The following MATN2 variants were observed in gnomAD, a reference collection of about 807,000 sequenced individuals.
MATN2 encodes the protein matrilin-2.
MATN2 carries 69 observed loss-of-function variants against 103.2 expected under a neutral mutation model. The ratio of observed to expected loss-of-function variants is 0.67; its 90% CI spans 0.55 to 0.82. The LOEUF is 0.82. Among genes scored for constraint, MATN2 ranks in the 40% least tolerant of loss-of-function variants. MATN2 has a pLI of 0.00. For missense variants in MATN2, 1,023 were observed against 1,211.5 expected (o/e 0.84, Z 2.31); for synonymous variants, 429 against 450.2 (o/e 0.95, Z 0.60).
chr8:98,002,042 G>C (rs1812805707), intron 7 of MATN2, among the ~76,000 whole-genome samples: 1 of 152,178 alleles, frequency 6.6e-6, no homozygotes, highest in Non-Finnish European at 1.5e-5. Flanking sequence ...CCCAGCCAAT[G>C]AGGTCGGTGG....
intron 1 of MATN2, among the ~76,000 whole-genome samples, chr8:97,872,163 G>GCAA (rs1314677319): frequency 6.6e-6 from 1 of 152,200 alleles, no homozygotes; most frequent in Non-Finnish European, 1.5e-5. Context: ...CTATGTCATA[G>GCAA]GGTTGTTGTA....
At position 97,931,553 on chromosome 8, in the gene MATN2, A is replaced by T; in HGVS notation, c.712+31A>T. 6.5e-7 allele frequency: 1 copy of T among 1,528,142 alleles called. No individual in the cohort carries two copies. Among genetic ancestry groups the T allele is most frequent in the Non-Finnish European group, 8.8e-7 (1 of 1,131,380 alleles). The allele number at this position is 1,528,142 out of a possible 1,614,324, so 94.7% of individuals were successfully genotyped here. On this transcript the variant is annotated intron_variant, in intron 3 of 18. Coordinates refer to ENST00000254898, the MANE Select transcript of MATN2 (RefSeq NM_002380.5). This position sits in a 1 kb window ranked among gnomAD's most constrained non-coding sequence, Gnocchi z 4.1. ...TCCTGCTCCTTTGTCACTCTTCTAGAGGAACCACTAGAATTCATTCATTCA... is the reference window on the plus strand; with the variant it reads ...TCCTGCTCCTTTGTCACTCTTCTAGTGGAACCACTAGAATTCATTCATTCA...
At chr8:97,951,724 G>A (rs1810960034) in intron 4 of MATN2, among the ~76,000 whole-genome samples, 1 of 130,596 alleles carries the variant, frequency 7.7e-6, no homozygotes, top group African/African-American at 2.8e-5. Flanking sequence ...TACAGGAGTA[G>A]GACATTATTT....
chr8:97,900,994 A>G (rs1032224464), intron 2 of MATN2, among the ~76,000 whole-genome samples: 1 of 152,162 alleles, frequency 6.6e-6, no homozygotes, highest in African/African-American at 2.4e-5. Context: ...CATTAGGCCC[A>G]GTGAAAGATG....
In MATN2 at chr8:98,017,030, A is replaced by T. The variant is rs1466064050; in HGVS notation, c.1696+368A>T. On this transcript the variant is annotated intron_variant, in intron 11 of 18. Transcript: ENST00000254898. ...ACTGTCCTAAATAATAAAGTCTATT[A>T]AAAAAATGGACAAACAAAAAAAGTC... is the stretch of plus-strand genomic sequence containing the variant. Among the ~76,000 whole-genome samples, 9 of 152,154 alleles carry T rather than the reference A, an allele frequency of 5.9e-5. No homozygotes were observed. In the South Asian group the frequency reaches 6.2e-4, roughly 11 times the overall value.
chr8:97,967,400 T>C (rs1811517288), intron 5 of MATN2, among the ~76,000 whole-genome samples: 2 of 151,646 alleles, frequency 1.3e-5, no homozygotes, highest in Admixed American at 1.3e-4. Context: ...TGAAGTGTCA[T>C]CTGGAGATGA....
At chr8:98,031,888 CTTGA>C (rs1814034285) in intron 15 of MATN2, 1 of 165,864 alleles carries the variant, frequency 6.0e-6, no homozygotes, top group Non-Finnish European at 1.3e-5. Context: ...TGTTTTGCCT[CTTGA>C]TTGTTTCATG....
At chr8:97,948,541 T>C (rs932764625) in intron 4 of MATN2, among the ~76,000 whole-genome samples, 2 of 152,178 alleles carry the variant, frequency 1.3e-5, no homozygotes, top group Non-Finnish European at 2.9e-5. Context: ...AAATAACCCA[T>C]ATGTATGTGG....
chr8:97,889,474 TA>T (rs1818557770), intron 2 of MATN2, among the ~76,000 whole-genome samples: 2 of 141,722 alleles, frequency 1.4e-5, no homozygotes, highest in Non-Finnish European at 3.1e-5. Context: ...TATATATATA[TA>T]TATATATATA....
At chr8:97,988,437 G>A (rs1159729037) in intron 6 of MATN2, among the ~76,000 whole-genome samples, 1 of 148,896 alleles carries the variant, frequency 6.7e-6, no homozygotes, top group Non-Finnish European at 1.5e-5. Context: ...ATCAGCCTGA[G>A]TAACATAGCA....
At chr8:97,885,240 T>C (rs1818385582) in intron 1 of MATN2, among the ~76,000 whole-genome samples, 1 of 152,246 alleles carries the variant, frequency 6.6e-6, no homozygotes, top group Non-Finnish European at 1.5e-5. Context: ...CCTAGACTTT[T>C]TATCTGCTCG....
chr8:97,978,044 C>T (rs1380065166), intron 5 of MATN2, among the ~76,000 whole-genome samples: 1 of 152,194 alleles, frequency 6.6e-6, no homozygotes, highest in African/African-American at 2.4e-5. Flanking sequence ...ATGCTATTTA[C>T]TTATTTTACT....
intron 5 of MATN2, among the ~76,000 whole-genome samples, chr8:97,977,996 T>C (rs1000263916): frequency 6.6e-6 from 1 of 152,196 alleles, no homozygotes; most frequent in East Asian, 1.9e-4. Flanking sequence ...TTCATTGTTT[T>C]GCTTTTCTCC....
At chr8:97,955,742 A>G (rs1216210527) in intron 4 of MATN2, among the ~76,000 whole-genome samples, 1 of 152,178 alleles carries the variant, frequency 6.6e-6, no homozygotes, top group Non-Finnish European at 1.5e-5. Flanking sequence ...TAGGTAAGAG[A>G]GATGAGTTAG....
intron 1 of MATN2, among the ~76,000 whole-genome samples, chr8:97,877,647 C>T (rs549196709): frequency 2.5e-4 from 38 of 152,080 alleles, no homozygotes; most frequent in Non-Finnish European, 4.4e-5. Context: ...GGAGTGACTA[C>T]CTACCCATAT....
chr8:97,907,719 A>G (rs1586400711), intron 2 of MATN2, among the ~76,000 whole-genome samples: 1 of 152,300 alleles, frequency 6.6e-6, no homozygotes, highest in East Asian at 1.9e-4. Flanking sequence ...TTGTTTGTAA[A>G]ATGAGGATAA....
chr8:97,931,557 A>T lies in MATN2; in HGVS notation c.712+35A>T. On this transcript the variant is annotated intron_variant, in intron 3 of 18. Coordinates refer to ENST00000254898, the MANE Select transcript of MATN2 (RefSeq NM_002380.5). This position sits in a 1 kb window ranked among gnomAD's most constrained non-coding sequence, Gnocchi z 4.1. ...GCTCCTTTGTCACTCTTCTAGAGGAACCACTAGAATTCATTCATTCATCTT... is the reference window on the plus strand; with the variant it reads ...GCTCCTTTGTCACTCTTCTAGAGGATCCACTAGAATTCATTCATTCATCTT... 1 of 1,515,906 alleles carries T rather than the reference A, an allele frequency of 6.6e-7. No individual in the cohort carries two copies. Among genetic ancestry groups the T allele is most frequent in the Non-Finnish European group, 8.9e-7 (1 of 1,121,796 alleles). The allele number at this position is 1,515,906 out of a possible 1,614,324, so 93.9% of individuals were successfully genotyped here.
chr8:97,982,323 G>A lies in MATN2; in HGVS notation c.1081+3315G>A, dbSNP rs1435229698. ...GTTAAAATTACAGAAACAGGATAGA[G>A]GCAGAAGCTCAGAACCGAAGCAGCC... is the stretch of plus-strand genomic sequence containing the variant. On this transcript the variant is annotated intron_variant, in intron 6 of 18. Coordinates refer to ENST00000254898, the MANE Select transcript of MATN2 (RefSeq NM_002380.5). This position sits in a 1 kb window ranked among gnomAD's most constrained non-coding sequence, Gnocchi z 4.3. Among the ~76,000 whole-genome samples, 1 of 151,192 alleles carries A rather than the reference G, an allele frequency of 6.6e-6. No homozygotes were observed. Among genetic ancestry groups the A allele is most frequent in the Admixed American group, 6.6e-5 (1 of 15,256 alleles).
chr8:97,893,043 G>A (rs1818682569), intron 2 of MATN2, among the ~76,000 whole-genome samples: 1 of 152,190 alleles, frequency 6.6e-6, no homozygotes, highest in African/African-American at 2.4e-5. Context: ...CAAGGAAGGA[G>A]TTTTGAGCTT....
Sources: gnomAD v4.1 joint callset for allele counts (sites outside exome capture counted in the v4.1 genomes callset) on GRCh38, gnomAD v4.1.1 for gene constraint, Gnocchi (gnomAD v3.1) non-coding constraint, MANE v1.5 for transcripts, NCBI Gene and HGNC (gene_info 2026-07-23, HGNC 2026-07-21) for gene names.